Variants in SYTL3 observed in about 807,000 individuals in gnomAD.
SYTL3 encodes the protein synaptotagmin like 3, also known as synaptotagmin-like protein 3.
SYTL3 carries 88 observed loss-of-function variants against 82.1 expected under a neutral mutation model. That is an observed-to-expected ratio of 1.07 (90% CI 0.90 to 1.28). SYTL3 has a LOEUF of 1.28. Among genes scored for constraint, SYTL3 ranks in the 50% most tolerant of loss-of-function variants. The pLI is 0.00. For missense variants in SYTL3, 831 were observed against 757.6 expected (o/e 1.10, Z -1.14); for synonymous variants, 311 against 289.4 (o/e 1.07, Z -0.76).
At chr6:158,719,534 G>A (rs1783825072) in intron 10 of SYTL3, among the ~76,000 whole-genome samples, 1 of 152,178 alleles carries the variant, frequency 6.6e-6, no homozygotes. Flanking sequence ...CTTCAGGAGC[G>A]AGGTGTCTAG....
At chr6:158,685,450 T>C (rs536152056) in intron 6 of SYTL3, among the ~76,000 whole-genome samples, 3 of 152,178 alleles carry the variant, frequency 2.0e-5, no homozygotes, top group Non-Finnish European at 4.4e-5. Flanking sequence ...TCAAGTGATC[T>C]GCCCACCTTG....
intron 6 of SYTL3, 30 bp downstream of exon 6, chr6:158,683,019 A>G: frequency 1.4e-6 from 2 of 1,464,468 alleles, no homozygotes; most frequent in South Asian, 2.3e-5. Context: ...TTAGTAAAGT[A>G]AAATGATCTA....
intron 8 of SYTL3, 23 bp from the exon 9 acceptor site, chr6:158,713,777 C>T: frequency 6.6e-7 from 1 of 1,504,512 alleles, no homozygotes; most frequent in Non-Finnish European, 9.1e-7. Flanking sequence ...AATTCTCATT[C>T]TCTCCTTCTG....
chr6:158,707,360 C>A, intron 7 of SYTL3, 79 bp downstream of exon 7: 7 of 1,224,056 alleles, frequency 5.7e-6, no homozygotes, highest in South Asian at 1.3e-5. Flanking sequence ...ACTTATAGGT[C>A]TCTTGACTTT....
chr6:158,745,458 T>C (rs991116537), intron 11 of SYTL3, 22 bp from the exon 12 acceptor site: 1 of 1,593,604 alleles, frequency 6.3e-7, no homozygotes, highest in Non-Finnish European at 8.5e-7. Context: ...TAACTTATTA[T>C]ATCTGTTATT....
chr6:158,764,653 G>A lies in SYTL3; in HGVS notation c.*49G>A, dbSNP rs775702829. The A allele has an allele frequency of 1.4e-5, 19 of 1,361,218 alleles. No homozygotes were observed. Among genetic ancestry groups the A allele is most frequent in the Admixed American group, 5.0e-5 (3 of 59,464 alleles). 84.3% of individuals were successfully genotyped at this position (1,361,218 alleles called of 1,614,324 possible). A position where few individuals can be genotyped will look rare whatever the true frequency, so the allele number is the denominator to read the frequency against. ...TTGCAGCAGGCGTGAGGCACTGTGC[G>A]TCTGCAGAGGGGCTACGAACCAGGT... On this transcript the variant is annotated 3_prime_UTR_variant, in exon 18 of 18. Transcript: ENST00000611299.
At chr6:158,734,750 T>A (rs961428466) in intron 11 of SYTL3, among the ~76,000 whole-genome samples, 2 of 152,174 alleles carry the variant, frequency 1.3e-5, no homozygotes, top group Non-Finnish European at 2.9e-5. Context: ...CCCACTAGAC[T>A]CTAATTCCCA....
At chr6:158,677,395 CG>C (rs1402493551) in intron 5 of SYTL3, among the ~76,000 whole-genome samples, 1 of 151,878 alleles carries the variant, frequency 6.6e-6, no homozygotes, top group Non-Finnish European at 1.5e-5. Context: ...CATCACACAC[CG>C]GGGAATGTTG....
chr6:158,665,611 C>T lies in SYTL3; in HGVS notation c.327C>T (p.Asp109=). 2 of 1,553,786 alleles carry T rather than the reference C, an allele frequency of 1.3e-6. No homozygotes were observed. The highest frequency in any genetic ancestry group is 1.2e-5 in the South Asian group (1 of 84,504). ...GGAAGTGCACGGTGTGCTTCGAGGA[C>T]AGGTAAGCATGGCCGGTGGTTGGAT... ...HAWKCTVCFE[D]RNVKIKTGEW... The change falls in exon 5 of 18, where the codon GAC becomes GAT. Residue 109 remains aspartate (D), a splice_region_variant and synonymous_variant. Coordinates refer to ENST00000611299, the MANE Select transcript of SYTL3 (RefSeq NM_001242394.2).
intron 10 of SYTL3, among the ~76,000 whole-genome samples, chr6:158,725,212 A>C (rs909372746): frequency 6.6e-6 from 1 of 152,240 alleles, no homozygotes; most frequent in Non-Finnish European, 1.5e-5. Context: ...TGGACTTAAG[A>C]CTTTTACTAA....
chr6:158,739,502 C>T (rs1020180064), intron 11 of SYTL3, among the ~76,000 whole-genome samples: 4 of 152,156 alleles, frequency 2.6e-5, no homozygotes, highest in African/African-American at 4.8e-5. Flanking sequence ...AGCTTCTGCC[C>T]GATTTTTCTC....
chr6:158,745,833 G>A (rs1787568565), intron 12 of SYTL3, among the ~76,000 whole-genome samples, 175 bp downstream of exon 12: 1 of 151,676 alleles, frequency 6.6e-6, no homozygotes, highest in Non-Finnish European at 1.5e-5. Flanking sequence ...ATTGATACAA[G>A]GACAGAACAA....
At position 158,721,282 on chromosome 6, in the gene SYTL3, C is replaced by T. The variant is rs141382677; in HGVS notation, c.720+3071C>T. On this transcript the variant is annotated intron_variant, in intron 10 of 17. Coordinates refer to ENST00000611299, the MANE Select transcript of SYTL3 (RefSeq NM_001242394.2). ...CCAGGCTGGAGTGCAGTGGTGATAT[C>T]GTGGGTCACTGTAGTCTCGATCTCG... Among the ~76,000 whole-genome samples the T allele has an allele frequency of 2.0e-4, 31 of 152,122 alleles. No homozygotes were observed. In the East Asian group the frequency reaches 3.9e-3, roughly 19 times the overall value.
intron 11 of SYTL3, among the ~76,000 whole-genome samples, chr6:158,732,246 A>G (rs891457888): frequency 6.6e-6 from 1 of 152,180 alleles, no homozygotes; most frequent in Admixed American, 6.5e-5. Context: ...TACTCCTTCT[A>G]GTTGTCAATC....
At chr6:158,677,414 C>T (rs754096773) in intron 5 of SYTL3, among the ~76,000 whole-genome samples, 27 of 151,624 alleles carry the variant, frequency 1.8e-4, no homozygotes, top group Non-Finnish European at 8.8e-5. Flanking sequence ...TTGTGGGGAG[C>T]GGGGAGGGAT....
intron 6 of SYTL3, among the ~76,000 whole-genome samples, chr6:158,704,149 TA>T (rs11364829): frequency 0.52 from 78,297 of 149,480 alleles, 21,010 homozygotes; most frequent in African/African-American, 0.66. Flanking sequence ...TTTAAATGGT[TA>T]AAAAAAAAAA....
chr6:158,680,579 A>AAAAAAAAAC (rs1374658631), intron 5 of SYTL3, among the ~76,000 whole-genome samples: 1 of 150,822 alleles, frequency 6.6e-6, no homozygotes, highest in South Asian at 2.1e-4. Flanking sequence ...TCTCTACAAA[A>AAAAAAAAAC]AAAAAAAAAA....
intron 10 of SYTL3, 111 bp from the exon 11 acceptor site, chr6:158,725,392 G>A (rs1473854521): frequency 1.6e-6 from 2 of 1,231,496 alleles, no homozygotes; most frequent in East Asian, 4.7e-5. Flanking sequence ...CTACTCAGAA[G>A]TTTGCATGTT....
intron 11 of SYTL3, among the ~76,000 whole-genome samples, chr6:158,743,287 T>C (rs1787170880): frequency 6.6e-6 from 1 of 152,238 alleles, no homozygotes; most frequent in South Asian, 2.1e-4. Flanking sequence ...CTTACTTCCA[T>C]GTGCTTCTCT....
Sources: allele counts gnomAD v4.1 joint callset (sites outside exome capture counted in the v4.1 genomes callset), GRCh38; gene constraint gnomAD v4.1.1; transcripts MANE v1.5; gene names NCBI Gene and HGNC (gene_info 2026-07-23, HGNC 2026-07-21).